The following HERC3 variants were observed in gnomAD, a reference collection of about 807,000 sequenced individuals.
HERC3 encodes HECT and RLD domain containing E3 ubiquitin protein ligase 3.
In HERC3, 58 loss-of-function variants were observed where a neutral mutation model predicts 129.9. That is an observed-to-expected ratio of 0.45 (90% confidence interval 0.36 to 0.56). The LOEUF (loss-of-function observed/expected upper bound fraction) is 0.56. Ranked by LOEUF, HERC3 falls within the 20% of genes least tolerant of loss-of-function variation. The probability of loss-of-function intolerance (pLI) is 0.00; values close to 1 mark genes in which losing one functional copy is unlikely to be tolerated. For missense variants in HERC3, 835 were observed against 1,244.2 expected (o/e 0.67, Z 4.95); for synonymous variants, 430 against 451.0 (o/e 0.95, Z 0.59).
At chr4:88,702,189 C>A (rs898848478) in intron 23 of HERC3, among the ~76,000 whole-genome samples, 3 of 152,194 alleles carry the variant, frequency 2.0e-5, no homozygotes, top group Non-Finnish European at 4.4e-5. Flanking sequence ...TACTCATAAG[C>A]AAAATCTCAT....
the HERC3 span, among the ~76,000 whole-genome samples, chr4:88,575,844 G>A: frequency 0.041 from 6,166 of 152,232 alleles, 400 homozygotes; most frequent in African/African-American, 0.14. Context: ...GGTTCAATTT[G>A]TATCCATTAA....
the HERC3 span, among the ~76,000 whole-genome samples, chr4:88,551,851 A>T: frequency 2.6e-5 from 4 of 152,308 alleles, no homozygotes; most frequent in Middle Eastern, 3.4e-3. Context: ...TTATTGCGGC[A>T]CTATTCACAA....
the HERC3 span, among the ~76,000 whole-genome samples, chr4:88,560,119 C>T: frequency 6.6e-6 from 1 of 152,074 alleles, no homozygotes; most frequent in Non-Finnish European, 1.5e-5. Context: ...ACCACCAAGC[C>T]TGGCTAATTT....
the HERC3 span, among the ~76,000 whole-genome samples, chr4:88,570,430 CT>C: frequency 1.3e-5 from 2 of 152,146 alleles, no homozygotes; most frequent in African/African-American, 4.8e-5. Context: ...GCAATGACAA[CT>C]TTATTACATT....
At chr4:88,577,931 C>G in the HERC3 span, among the ~76,000 whole-genome samples, 38 of 152,092 alleles carry the variant, frequency 2.5e-4, no homozygotes, top group Non-Finnish European at 4.7e-4. Flanking sequence ...TTCAGATTAT[C>G]AATCATGGGT....
intron 3 of HERC3, among the ~76,000 whole-genome samples, chr4:88,633,831 A>G (rs1727040531): frequency 2.0e-5 from 3 of 152,246 alleles, no homozygotes; most frequent in South Asian, 4.1e-4. Context: ...CAAAACATAT[A>G]TTATGCAAAC....
At position 88,704,262 on chromosome 4, in the gene HERC3, A is replaced by G; in HGVS notation, c.2822A>G (p.Asn941Ser). 1 of 1,614,042 alleles carries G rather than the reference A, an allele frequency of 6.2e-7. No individual in the cohort carries two copies. Among genetic ancestry groups the G allele is most frequent in the Non-Finnish European group, 8.5e-7 (1 of 1,180,000 alleles). The part of the protein sequence containing the change: ...RAMMVGNSNY[N>S]WEELEETAIY... ...ATGATGGTGGGGAACAGCAACTACA[A>G]CTGGGAAGAACTGGAAGAGGTAAGC... The change falls in exon 24 of 26, where the codon AAC (asparagine) becomes AGC (serine). Residue 941 changes from asparagine (N) to serine (S), a missense_variant. Physicochemically the swap from Asn to Ser is conservative, Grantham distance 46 (BLOSUM62 1). Coordinates refer to ENST00000402738, the MANE Select transcript of HERC3 (RefSeq NM_014606.3).
chr4:88,641,193 C>T (rs2149256855), intron 3 of HERC3, among the ~76,000 whole-genome samples: 1 of 152,240 alleles, frequency 6.6e-6, no homozygotes, highest in Middle Eastern at 3.4e-3. Context: ...AATTAAGCAG[C>T]AGCCTTATAA....
intron 16 of HERC3, among the ~76,000 whole-genome samples, chr4:88,674,887 A>G (rs574840764): frequency 6.6e-6 from 1 of 152,306 alleles, no homozygotes; most frequent in East Asian, 1.9e-4. Context: ...ATAAAGGGTT[A>G]ACAGGGTAGA....
chr4:88,586,973 CTTTCG>C, the HERC3 span, among the ~76,000 whole-genome samples: 1 of 152,130 alleles, frequency 6.6e-6, no homozygotes, highest in Non-Finnish European at 1.5e-5. Context: ...TTGCTCTAGG[CTTTCG>C]AGAGCCAACA....
chr4:88,672,898 A>G (rs1332022421), intron 16 of HERC3, among the ~76,000 whole-genome samples: 6 of 152,182 alleles, frequency 3.9e-5, no homozygotes, highest in Non-Finnish European at 1.5e-5. Context: ...GGAAACATGT[A>G]TGGATATGGT....
At chr4:88,662,769 T>G (rs1325033507) in intron 11 of HERC3, among the ~76,000 whole-genome samples, 1 of 152,154 alleles carries the variant, frequency 6.6e-6, no homozygotes, top group East Asian at 1.9e-4. Context: ...ACACACAGTA[T>G]ATGCCTCAAC....
intron 14 of HERC3, among the ~76,000 whole-genome samples, 190 bp downstream of exon 14, chr4:88,668,271 T>C (rs1731250451): frequency 1.3e-5 from 2 of 152,230 alleles, no homozygotes; most frequent in Admixed American, 1.3e-4. Flanking sequence ...AAAACCATTA[T>C]TTAGATTATT....
At chr4:88,610,080 C>T (rs574085412) in intron 3 of HERC3, among the ~76,000 whole-genome samples, 1 of 152,230 alleles carries the variant, frequency 6.6e-6, no homozygotes, top group Non-Finnish European at 1.5e-5. Context: ...TGGCTGGCCC[C>T]TTTACTGTAA....
chr4:88,609,467 A>C (rs1724050840), intron 3 of HERC3, among the ~76,000 whole-genome samples: 1 of 152,196 alleles, frequency 6.6e-6, no homozygotes, highest in Admixed American at 6.5e-5. Context: ...AAAGGCTGAT[A>C]CTGTCTCTGG....
At chr4:88,600,132 C>CT (rs1222623341) in intron 2 of HERC3, among the ~76,000 whole-genome samples, 1 of 152,078 alleles carries the variant, frequency 6.6e-6, no homozygotes, top group African/African-American at 2.4e-5. Flanking sequence ...CAAATCAGGT[C>CT]TTATCTGCTG....
chr4:88,607,503 G>A (rs377260590), intron 3 of HERC3, among the ~76,000 whole-genome samples: 11 of 151,462 alleles, frequency 7.3e-5, no homozygotes, highest in South Asian at 2.1e-4. Flanking sequence ...TGGCTCTGTC[G>A]CCCAGGCTGG....
At chr4:88,585,179 TCAAC>T in the HERC3 span, among the ~76,000 whole-genome samples, 6 of 152,192 alleles carry the variant, frequency 3.9e-5, no homozygotes, top group Non-Finnish European at 8.8e-5. Context: ...TCACAAGGGC[TCAAC>T]TCTCATGATG....
In HERC3 at chr4:88,656,055, G is replaced by T; in HGVS notation, c.1069+20G>T. 1.2e-6 allele frequency: 2 copies of T among 1,611,490 alleles called. No individual in the cohort carries two copies. Among genetic ancestry groups the T allele is most frequent in the Non-Finnish European group, 8.5e-7 (1 of 1,178,258 alleles). ...GAGCTGGTAAGAATGATTGTCTCTGGAATTTAAAGGTATTTTAAGTGATGA... is the reference window on the plus strand; with the variant it reads ...GAGCTGGTAAGAATGATTGTCTCTGTAATTTAAAGGTATTTTAAGTGATGA... On this transcript the variant is annotated intron_variant, in intron 9 of 25. Coordinates refer to ENST00000402738, the MANE Select transcript of HERC3 (RefSeq NM_014606.3).
Sources: gnomAD v4.1 joint callset for allele counts (sites outside exome capture counted in the v4.1 genomes callset) on GRCh38, gnomAD v4.1.1 for gene constraint, MANE v1.5 for transcripts, NCBI Gene and HGNC (gene_info 2026-07-23, HGNC 2026-07-21) for gene names.